Variants in MYOM1 observed in about 807,000 individuals in gnomAD.
The protein encoded by MYOM1 is myomesin 1.
MYOM1 carries 164 observed loss-of-function variants against 205.3 expected under a neutral mutation model. The observed-to-expected ratio is 0.80, with a 90% CI of 0.70 to 0.91. The LOEUF is 0.91. Among genes scored for constraint, MYOM1 ranks in the 40% least tolerant of loss-of-function variants. The pLI, the probability that MYOM1 is intolerant of heterozygous loss-of-function variation, is 0.00. For synonymous variants in MYOM1, 772 were observed against 789.4 expected (o/e 0.98, Z 0.37); for missense variants, 2,011 against 2,127.3 (o/e 0.95, Z 1.08).
intron 11 of MYOM1, among the ~76,000 whole-genome samples, chr18:3,153,724 T>C (rs1208113850): frequency 1.3e-5 from 2 of 152,250 alleles, no homozygotes; most frequent in Non-Finnish European, 2.9e-5. Context: ...CACAATTGCA[T>C]GTATTTATGT....
At chr18:3,162,196 A>G (rs2080401385) in intron 10 of MYOM1, among the ~76,000 whole-genome samples, 1 of 152,200 alleles carries the variant, frequency 6.6e-6, no homozygotes, top group African/African-American at 2.4e-5. Flanking sequence ...TGCCTTCCTG[A>G]GGCGAGCCAA....
intron 35 of MYOM1, 67 bp from the exon 36 acceptor site, chr18:3,075,543 ACTTGACGACATTTTCCTTGC>A: frequency 6.5e-7 from 1 of 1,548,434 alleles, no homozygotes; most frequent in Non-Finnish European, 8.9e-7. Context: ...AAGTAGCTAA[ACTTGACGACATTTTCCTTGC>A]CTCAGAGACA....
chr18:3,244,150 TAGATGCAG>T, the MYOM1 span, among the ~76,000 whole-genome samples: 1 of 152,166 alleles, frequency 6.6e-6, no homozygotes, highest in Admixed American at 6.5e-5. Context: ...TTCTCCCCAC[TAGATGCAG>T]TATCTGTCCC....
At chr18:3,143,890 G>A (rs2080085151) in intron 13 of MYOM1, among the ~76,000 whole-genome samples, 1 of 98,970 alleles carries the variant, frequency 1.0e-5, no homozygotes, top group Non-Finnish European at 1.8e-5. Flanking sequence ...AACAGAGTGA[G>A]ACCCTGTCTC....
Position 3,135,770 on chromosome 18 carries a change from A to T in MYOM1, c.2026-40T>A. The stretch of plus-strand genomic sequence containing the variant: ...GGGAAACCCATTGAAAGCACAGCAA[A>T]CACAAGCGAGAATCCAGGCCAGGCA... On this transcript the variant is annotated intron_variant, in intron 14 of 37. Coordinates refer to ENST00000356443, the MANE Select transcript of MYOM1 (RefSeq NM_003803.4). This position sits in a 1 kb window ranked among gnomAD's most constrained non-coding sequence, Gnocchi z 4.1. 6.2e-7 allele frequency: 1 copy of T among 1,608,558 alleles called. No individual in the cohort carries two copies. The highest frequency in any genetic ancestry group is 1.1e-5 in the South Asian group (1 of 90,698).
chr18:3,225,706 C>A, the MYOM1 span, among the ~76,000 whole-genome samples: 1 of 152,208 alleles, frequency 6.6e-6, no homozygotes, highest in Non-Finnish European at 1.5e-5. Flanking sequence ...TGAGCCTTAG[C>A]CACATTTAAT....
At chr18:3,172,408 T>A (rs982272588) in intron 8 of MYOM1, among the ~76,000 whole-genome samples, 1 of 152,158 alleles carries the variant, frequency 6.6e-6, no homozygotes, top group African/African-American at 2.4e-5. Context: ...TGGATGATGA[T>A]ACAGTTGTGG....
chr18:3,173,418 C>T (rs955384595), intron 8 of MYOM1, among the ~76,000 whole-genome samples: 5 of 152,144 alleles, frequency 3.3e-5, no homozygotes, highest in African/African-American at 9.7e-5. Context: ...GCCTCACTGA[C>T]GCTCCGATGA....
chr18:3,133,686 CAG>C (rs2079909955), intron 16 of MYOM1, among the ~76,000 whole-genome samples: 1 of 151,788 alleles, frequency 6.6e-6, no homozygotes, highest in Non-Finnish European at 1.5e-5. Context: ...GATATAAAAT[CAG>C]AGGGGTAAAA....
chr18:3,120,527 G>C (rs2079673550), intron 19 of MYOM1, among the ~76,000 whole-genome samples: 1 of 152,142 alleles, frequency 6.6e-6, no homozygotes, highest in South Asian at 2.1e-4. Context: ...CTTGGAAGAG[G>C]AACTCAACAT....
In MYOM1 at chr18:3,127,305, ATTTT is replaced by A. The variant is rs1555620545; in HGVS notation, c.2795-412_2795-409del. Among the ~76,000 whole-genome samples the A allele has an allele frequency of 2.8e-3, 131 of 47,560 alleles. 2 individuals are homozygous for A. The South Asian group carries it at 0.031, about 11-fold the overall frequency. 31.2% of individuals were successfully genotyped at this position (47,560 alleles called of 152,430 possible). On this transcript the variant is annotated intron_variant, in intron 18 of 37. Transcript: ENST00000356443. ...TCCATATATATATATATATATATAT[ATTTT>A]TTTTTTTTTTTTTTTTGAGCTGGGG...
chr18:3,240,102 G>A, the MYOM1 span, among the ~76,000 whole-genome samples: 6 of 152,186 alleles, frequency 3.9e-5, no homozygotes, highest in Admixed American at 3.9e-4. Context: ...GTTTTATTTC[G>A]GGGATTCAAA....
the MYOM1 span, among the ~76,000 whole-genome samples, chr18:3,227,395 T>C: frequency 0.049 from 7,465 of 152,060 alleles, 420 homozygotes; most frequent in African/African-American, 0.14. Flanking sequence ...TGATTCCACT[T>C]ATATGAGGTA....
rs751311920 is a variant in MYOM1, at chr18:3,215,258, G to C, written c.-28-7C>G. On this transcript the variant is annotated splice_region_variant and splice_polypyrimidine_tract_variant and intron_variant, in intron 1 of 37. Coordinates refer to ENST00000356443, the MANE Select transcript of MYOM1 (RefSeq NM_003803.4). ...CTTGAAGGAACCGGGCCACCTGAAG[G>C]AAAACAACACTTTTTGAGTGACTTA... 7.7e-6 allele frequency: 12 copies of C among 1,561,348 alleles called. No homozygotes were observed. In the Admixed American group the frequency reaches 2.3e-4, roughly 30 times the overall value.
chr18:3,185,386 T>C (rs1274309276), intron 5 of MYOM1, among the ~76,000 whole-genome samples: 1 of 152,236 alleles, frequency 6.6e-6, no homozygotes, highest in African/African-American at 2.4e-5. Context: ...TAGGAAACTG[T>C]GTAATAAACA....
chr18:3,220,348 C>A (rs543472374), upstream of MYOM1, among the ~76,000 whole-genome samples: 9 of 152,094 alleles, frequency 5.9e-5, no homozygotes, highest in South Asian at 1.9e-3. Context: ...TTAAAAGATA[C>A]AATGTGAAAA....
intron 31 of MYOM1, among the ~76,000 whole-genome samples, chr18:3,084,583 T>C (rs565693069): frequency 1.1e-4 from 17 of 152,356 alleles, no homozygotes; most frequent in African/African-American, 4.1e-4. Flanking sequence ...GGAGTTCCCA[T>C]GTAGATTTTC....
At chr18:3,113,014 T>A (rs2079549595) in intron 21 of MYOM1, among the ~76,000 whole-genome samples, 1 of 152,158 alleles carries the variant, frequency 6.6e-6, no homozygotes, top group African/African-American at 2.4e-5. Context: ...TTGAATAATT[T>A]GTGAATAACC....
At chr18:3,232,156 C>T in the MYOM1 span, among the ~76,000 whole-genome samples, 1 of 151,576 alleles carries the variant, frequency 6.6e-6, no homozygotes, top group African/African-American at 2.4e-5. Flanking sequence ...ATGGTAAAAC[C>T]CCGTCTCAAC....
Sources: gnomAD v4.1 joint callset for allele counts (sites outside exome capture counted in the v4.1 genomes callset) on GRCh38, gnomAD v4.1.1 for gene constraint, Gnocchi (gnomAD v3.1) non-coding constraint, MANE v1.5 for transcripts, NCBI Gene and HGNC (gene_info 2026-07-23, HGNC 2026-07-21) for gene names.